Variants in TYRO3 observed in about 807,000 individuals in gnomAD.
The protein encoded by TYRO3 is TYRO3 protein tyrosine kinase.
Under a neutral mutation model 95.2 loss-of-function variants are expected in TYRO3, and 38 were observed. The observed-to-expected ratio is 0.40, with a 90% CI of 0.31 to 0.52. The LOEUF (loss-of-function observed/expected upper bound fraction) is 0.52, where lower values mean the gene tolerates loss of function less well. Ranked by LOEUF, TYRO3 falls within the 20% of genes least tolerant of loss-of-function variation. The probability of loss-of-function intolerance (pLI) is 0.56; values close to 1 mark genes in which losing one functional copy is unlikely to be tolerated. For missense variants in TYRO3, 812 were observed against 1,116.4 expected, an observed-to-expected ratio of 0.73 and a Z score of 3.89; for synonymous variants, 367 against 432.9, an observed-to-expected ratio of 0.85 and a Z score of 1.89.
chr15:41,582,997 G>GGTTTTTTTTTTTT lies in TYRO3; in HGVS notation c.*4721_*4722insGTTTTTTTTTTTT, dbSNP rs2055937353. The GGTTTTTTTTTTTT allele has an allele frequency of 1.9e-5, 2 of 106,108 alleles. No homozygotes were observed. The highest frequency in any genetic ancestry group is 2.5e-4 in the Admixed American group (2 of 7,876). The allele number at this position is 106,108 out of a possible 1,614,324, so 6.6% of individuals were successfully genotyped here. A position where few individuals can be genotyped will look rare whatever the true frequency, so the allele number is the denominator to read the frequency against. On this transcript the variant is annotated 3_prime_UTR_variant, in exon 19 of 19. Coordinates refer to ENST00000263798, the MANE Select transcript of TYRO3 (RefSeq NM_006293.4). The stretch of plus-strand genomic sequence containing the variant: ...CACTGCACCTGGCAAATTTTTAAGT[G>GGTTTTTTTTTTTT]TTTTTTTTTTTTTTTAATACAGAGC...
intron 4 of TYRO3, among the ~76,000 whole-genome samples, chr15:41,563,900 G>T (rs190799430): frequency 1.1e-4 from 17 of 152,174 alleles, no homozygotes; most frequent in Non-Finnish European, 1.9e-4. Flanking sequence ...GAGGTGGGAG[G>T]GTGGTATAAC....
At chr15:41,566,871 G>A (rs1485168330) in intron 6 of TYRO3, among the ~76,000 whole-genome samples, 2 of 152,212 alleles carry the variant, frequency 1.3e-5, no homozygotes, top group Non-Finnish European at 2.9e-5. Flanking sequence ...TAGACATATA[G>A]TACGTGGATC....
At chr15:41,571,516 G>T (rs780260451) in intron 13 of TYRO3, 79 bp from the exon 14 acceptor site, 2 of 996,308 alleles carry the variant, frequency 2.0e-6, no homozygotes, top group East Asian at 4.8e-5. Flanking sequence ...GACATCTGAA[G>T]GACAAGACCT....
intron 5 of TYRO3, 141 bp downstream of exon 5, chr15:41,564,411 C>A: frequency 1.3e-6 from 1 of 768,968 alleles, no homozygotes; most frequent in Non-Finnish European, 2.2e-6. Context: ...ATTGGCATAG[C>A]TCCCATTCCT....
intron 7 of TYRO3, among the ~76,000 whole-genome samples, chr15:41,567,958 T>C (rs1595501868): frequency 6.6e-6 from 1 of 151,698 alleles, no homozygotes; most frequent in Middle Eastern, 3.4e-3. Context: ...GAGAGGGGAG[T>C]GGTAAGGGGT....
intron 7 of TYRO3, 26 bp downstream of exon 7, chr15:41,567,563 G>T (rs1231100664): frequency 2.1e-6 from 3 of 1,436,820 alleles, no homozygotes; most frequent in African/African-American, 2.9e-5. Flanking sequence ...AGCAGAGCGG[G>T]TGGGCAGGGC....
Position 41,559,307 on chromosome 15 carries a change from T to TGCCGCCGCCACCGCG in TYRO3, c.53_67dup (p.Pro18_Arg22dup), listed in dbSNP as rs1447889839. 1.3e-4 allele frequency: 81 copies of TGCCGCCGCCACCGCG among 644,388 alleles called. 1 individual carries two copies. The highest frequency in any genetic ancestry group is 9.8e-4 in the Middle Eastern group (2 of 2,036). The allele number at this position is 644,388 out of a possible 1,614,324, so 39.9% of individuals were successfully genotyped here. ...CGGCCGGGGCTCCCGCCGCTGCCGC[T>TGCCGCCGCCACCGCG]GCCGCCGCCACCGCGGCTCGGGCTG... is the stretch of plus-strand genomic sequence containing the variant. On this transcript the variant is annotated inframe_insertion, in exon 1 of 19. Transcript: ENST00000263798.
At chr15:41,568,497 C>A in intron 8 of TYRO3, 135 bp downstream of exon 8, 2 of 869,940 alleles carry the variant, frequency 2.3e-6, no homozygotes, top group East Asian at 2.6e-5. Context: ...CTTTCCTCCT[C>A]ACCCTCCTCT....
chr15:41,562,331 CAAAAAAAAAAAA>C, intron 3 of TYRO3: 1 of 171,908 alleles, frequency 5.8e-6, no homozygotes, highest in African/African-American at 4.0e-5. Context: ...CGACCAATCT[CAAAAAAAAAAAA>C]AAAAAAAAAA....
chr15:41,564,437 G>C (rs1566899001), intron 5 of TYRO3, among the ~76,000 whole-genome samples, 167 bp downstream of exon 5: 1 of 152,212 alleles, frequency 6.6e-6, no homozygotes, highest in East Asian at 1.9e-4. Context: ...GAGCACCTGA[G>C]ACCCTGCGTG....
chr15:41,568,529 A>G (rs570262885), intron 8 of TYRO3, among the ~76,000 whole-genome samples, 167 bp downstream of exon 8: 1 of 152,102 alleles, frequency 6.6e-6, no homozygotes, highest in South Asian at 2.1e-4. Flanking sequence ...TTCTCAAAGG[A>G]TTATGTCTCC....
At chr15:41,565,640 C>G (rs1184248439) in intron 6 of TYRO3, among the ~76,000 whole-genome samples, 12 of 149,642 alleles carry the variant, frequency 8.0e-5, no homozygotes, top group African/African-American at 2.7e-4. Context: ...TATTAGCCAG[C>G]CTGATCTCAA....
At position 41,578,299 on chromosome 15, in the gene TYRO3, G is replaced by A; in HGVS notation, c.*23G>A. 6.2e-7 allele frequency: 1 copy of A among 1,612,662 alleles called. No individual in the cohort carries two copies. The highest frequency in any genetic ancestry group is 8.5e-7 in the Non-Finnish European group (1 of 1,179,814). On this transcript the variant is annotated 3_prime_UTR_variant, in exon 19 of 19. Coordinates refer to ENST00000263798, the MANE Select transcript of TYRO3 (RefSeq NM_006293.4). ...TAGCCCACAGGCAGAGGGCATCGGG[G>A]CCATTTGGCCGGCTCTGGTGGCCAC...
Position 41,570,594 on chromosome 15 carries a change from T to C in TYRO3, c.1484-10T>C, listed in dbSNP as rs1024354735. ...GAGATCCCTCTTTCCCACAAACCCT[T>C]TCCCCACAGTGGACAGCTTGGGCAT... On this transcript the variant is annotated splice_polypyrimidine_tract_variant and intron_variant, in intron 11 of 18. Transcript: ENST00000263798. 2.1e-6 allele frequency: 2 copies of C among 969,994 alleles called. No individual in the cohort carries two copies. Among genetic ancestry groups the C allele is most frequent in the Admixed American group, 2.2e-5 (1 of 46,028 alleles). The allele number at this position is 969,994 out of a possible 1,614,324, so 60.1% of individuals were successfully genotyped here. A position where few individuals can be genotyped will look rare whatever the true frequency, so the allele number is the denominator to read the frequency against.
intron 18 of TYRO3, chr15:41,574,611 T>C (rs757198440): frequency 4.4e-6 from 2 of 455,684 alleles, no homozygotes; most frequent in South Asian, 3.1e-5. Flanking sequence ...TTAGAATATA[T>C]ACTCTTAACT....
rs772195909 is a variant in TYRO3 at position 41,568,341 on chromosome 15, G to T, written c.1086G>T (p.Trp362Cys). 2 of 1,613,958 alleles carry T rather than the reference G, an allele frequency of 1.2e-6. No individual in the cohort carries two copies. Among genetic ancestry groups the T allele is most frequent in the South Asian group, 2.2e-5 (2 of 91,056 alleles). The change falls in exon 8 of 19, where the codon TGG (tryptophan) becomes TGT (cysteine). Residue 362 changes from tryptophan to cysteine, a missense_variant. Coordinates refer to ENST00000263798, the MANE Select transcript of TYRO3 (RefSeq NM_006293.4). ...CCCTGGGACCCTACAAACTGTCCTGGGTTCAAGACAATGGAACCCAGGTAA... is the reference window on the plus strand; with the variant it reads ...CCCTGGGACCCTACAAACTGTCCTGTGTTCAAGACAATGGAACCCAGGTAA... ...EGPLGPYKLS[W>C]VQDNGTQDEL... is the part of the protein sequence containing the mutation.
At chr15:41,571,733 T>C in intron 14 of TYRO3, 46 bp downstream of exon 14, 1 of 1,134,738 alleles carries the variant, frequency 8.8e-7, no homozygotes, top group Non-Finnish European at 1.3e-6. Flanking sequence ...GGGCTAAAAA[T>C]ATGCTCTACC....
chr15:41,571,245 C>T, intron 13 of TYRO3, 127 bp downstream of exon 13: 1 of 818,962 alleles, frequency 1.2e-6, no homozygotes, highest in Non-Finnish European at 2.1e-6. Context: ...AACTGGGATG[C>T]TCTTTACCAC....
At chr15:41,566,345 AAAAAG>A (rs1175776588) in intron 6 of TYRO3, among the ~76,000 whole-genome samples, 3 of 150,392 alleles carry the variant, frequency 2.0e-5, no homozygotes, top group Non-Finnish European at 4.4e-5. Flanking sequence ...AAAAAAAAAA[AAAAAG>A]AGGATCCTAC....
Sources: allele counts gnomAD v4.1 joint callset (sites outside exome capture counted in the v4.1 genomes callset), GRCh38; gene constraint gnomAD v4.1.1; transcripts MANE v1.5; gene names NCBI Gene and HGNC (gene_info 2026-07-23, HGNC 2026-07-21).